TPD52: variants seen among roughly 807,000 people sequenced by gnomAD.
TPD52 encodes the protein tumor protein D52.
A neutral mutation model predicts 31.3 loss-of-function variants in TPD52; 17 were observed. The observed-to-expected ratio is 0.54, with a 90% CI of 0.37 to 0.82. TPD52 has a LOEUF of 0.82. Among genes scored for constraint, TPD52 ranks in the 40% least tolerant of loss-of-function variants. The pLI, the probability that TPD52 is intolerant of heterozygous loss-of-function variation, is 0.00. For synonymous variants in TPD52, 83 were observed against 89.6 expected, an observed-to-expected ratio of 0.93 and a Z score of 0.42; for missense variants, 212 against 240.1, an observed-to-expected ratio of 0.88 and a Z score of 0.77.
In TPD52 at chr8:80,110,183, A is replaced by C. The variant is rs565275397; in HGVS notation, c.20-45590T>G. Among the ~76,000 whole-genome samples, 6 of 152,282 alleles carry C rather than the reference A, an allele frequency of 3.9e-5. No homozygotes were observed. In the East Asian group the frequency reaches 9.6e-4, roughly 24 times the overall value. The stretch of plus-strand genomic sequence containing the variant: ...TTGTTTTTCTTTTGCTTCCATAGAA[A>C]TATTAGTTAGTTTGGTTCGTGGGGA... On this transcript the variant is annotated intron_variant, in intron 1 of 7. Transcript: ENST00000518937.
intron 1 of TPD52, among the ~76,000 whole-genome samples, chr8:80,161,152 A>T (rs1194231762): frequency 1.3e-5 from 2 of 152,220 alleles, no homozygotes; most frequent in Non-Finnish European, 2.9e-5. Flanking sequence ...TTTATTGAGC[A>T]CTATATCCAA....
chr8:80,102,537 A>AGGCT (rs1806817928), intron 1 of TPD52, among the ~76,000 whole-genome samples: 1 of 152,200 alleles, frequency 6.6e-6, no homozygotes, highest in African/African-American at 2.4e-5. Context: ...ACCATGCTGG[A>AGGCT]GGCTGGCTAC....
At chr8:80,043,398 A>C (rs939805666) in intron 6 of TPD52, among the ~76,000 whole-genome samples, 1 of 152,146 alleles carries the variant, frequency 6.6e-6, no homozygotes, top group African/African-American at 2.4e-5. Flanking sequence ...CTGACCTTGA[A>C]TATCCTTCCT....
intron 5 of TPD52, among the ~76,000 whole-genome samples, chr8:80,049,773 C>T (rs1244393978): frequency 6.6e-6 from 1 of 152,220 alleles, no homozygotes; most frequent in Non-Finnish European, 1.5e-5. Context: ...TTTGAGCTAA[C>T]ATCTTTTTAA....
intron 1 of TPD52, among the ~76,000 whole-genome samples, chr8:80,083,079 TAACTC>T (rs889219504): frequency 6.6e-6 from 1 of 151,972 alleles, no homozygotes; most frequent in Non-Finnish European, 1.5e-5. Context: ...AAAATTCAGT[TAACTC>T]AACAGCCAAA....
intron 1 of TPD52, among the ~76,000 whole-genome samples, chr8:80,118,363 C>G (rs1016556948): frequency 6.6e-6 from 1 of 152,138 alleles, no homozygotes; most frequent in Non-Finnish European, 1.5e-5. Context: ...ACAGATATAA[C>G]TCTACATTGG....
At chr8:80,039,731 G>C (rs2130355850) in intron 7 of TPD52, among the ~76,000 whole-genome samples, 1 of 152,138 alleles carries the variant, frequency 6.6e-6, no homozygotes, top group African/African-American at 2.4e-5. Flanking sequence ...CTACAGCACA[G>C]TGAAGTTCTT....
At chr8:80,112,588 A>AG (rs1375880309) in intron 1 of TPD52, among the ~76,000 whole-genome samples, 2 of 152,246 alleles carry the variant, frequency 1.3e-5, no homozygotes, top group African/African-American at 2.4e-5. Flanking sequence ...GTCTAAAAAA[A>AG]CAATGTAGAG....
chr8:80,110,356 A>G (rs926656177), intron 1 of TPD52, among the ~76,000 whole-genome samples: 2 of 152,136 alleles, frequency 1.3e-5, no homozygotes, highest in African/African-American at 4.8e-5. Context: ...GATTAGAAAA[A>G]AAATGAGATT....
chr8:80,074,372 T>G (rs1309654902), intron 1 of TPD52, among the ~76,000 whole-genome samples: 1 of 152,250 alleles, frequency 6.6e-6, no homozygotes, highest in Non-Finnish European at 1.5e-5. Flanking sequence ...GCTCCCATTC[T>G]CTGTGCCTTG....
chr8:80,156,330 T>C (rs898348905), intron 1 of TPD52, among the ~76,000 whole-genome samples: 1 of 152,188 alleles, frequency 6.6e-6, no homozygotes, highest in African/African-American at 2.4e-5. Flanking sequence ...GAGAGGCAGG[T>C]ACAAGCTGTG....
intron 1 of TPD52, among the ~76,000 whole-genome samples, chr8:80,155,009 T>TG (rs555028196): frequency 2.4e-3 from 357 of 151,358 alleles, no homozygotes; most frequent in Non-Finnish European, 4.1e-3. Flanking sequence ...TTGTTTTTTT[T>TG]TTTTTTGAGA....
chr8:80,125,565 A>AG, intron 1 of TPD52, among the ~76,000 whole-genome samples: 1 of 149,634 alleles, frequency 6.7e-6, no homozygotes, highest in East Asian at 1.9e-4. Context: ...TTTTGATTTA[A>AG]AAAAAAAAAG....
At position 80,160,889 on chromosome 8, in the gene TPD52, C is replaced by CAAAAAAAAAAAAAAAA. The variant is rs58923055; in HGVS notation, c.19+10520_19+10535dup. 7.2e-4 allele frequency among the ~76,000 whole-genome samples: 68 copies of CAAAAAAAAAAAAAAAA among 95,036 alleles called. 3 individuals carry two copies. Among genetic ancestry groups the CAAAAAAAAAAAAAAAA allele is most frequent in the African/African-American group, 2.9e-3 (66 of 23,040 alleles). The allele number at this position is 95,036 out of a possible 152,430, so 62.3% of individuals were successfully genotyped here. ...CAAAACACCATCTCTACTAAAAATA[C>CAAAAAAAAAAAAAAAA]AAAAAAAAAAAAAAAAAAAAAAAAT... On this transcript the variant is annotated intron_variant, in intron 1 of 7. Coordinates refer to ENST00000518937, the MANE Select transcript of TPD52 (RefSeq NM_001025253.3).
intron 1 of TPD52, among the ~76,000 whole-genome samples, chr8:80,152,074 G>A (rs1810605556): frequency 6.6e-6 from 1 of 152,172 alleles, no homozygotes; most frequent in Admixed American, 6.5e-5. Flanking sequence ...TGCAACGCTA[G>A]AAAGGCAACA....
At chr8:80,133,185 A>G (rs1460804662) in intron 1 of TPD52, among the ~76,000 whole-genome samples, 1 of 152,200 alleles carries the variant, frequency 6.6e-6, no homozygotes, top group Non-Finnish European at 1.5e-5. Context: ...ATTAAGAATA[A>G]ATATGACATT....
intron 1 of TPD52, among the ~76,000 whole-genome samples, chr8:80,138,807 C>T (rs1286088191): frequency 1.3e-5 from 2 of 152,192 alleles, no homozygotes; most frequent in African/African-American, 2.4e-5. Flanking sequence ...CCCCTCCCCA[C>T]CTTAGGCTCA....
intron 2 of TPD52, among the ~76,000 whole-genome samples, chr8:80,057,315 G>T (rs1034659296): frequency 6.6e-6 from 1 of 152,136 alleles, no homozygotes; most frequent in South Asian, 2.1e-4. Context: ...TTAATACAGA[G>T]CTACCATTCA....
chr8:80,094,436 A>ATATATATATATATATATATT (rs1816543308), intron 1 of TPD52, among the ~76,000 whole-genome samples: 3 of 13,810 alleles, frequency 2.2e-4, no homozygotes, highest in African/African-American at 1.1e-3. Context: ...AATTTTATAT[A>ATATATATATATATATATATT]TATATATATA....
Sources: allele counts gnomAD v4.1 joint callset (sites outside exome capture counted in the v4.1 genomes callset), GRCh38; gene constraint gnomAD v4.1.1; transcripts MANE v1.5; gene names NCBI Gene and HGNC (gene_info 2026-07-23, HGNC 2026-07-21).